The following XYLB variants were observed in gnomAD, a reference collection of about 807,000 sequenced individuals.
XYLB encodes xylulokinase.
In XYLB, 62 loss-of-function variants were observed where a neutral mutation model predicts 78.7. The ratio of observed to expected loss-of-function variants is 0.79; its 90% confidence interval spans 0.64 to 0.97. The LOEUF (loss-of-function observed/expected upper bound fraction) is 0.97, where lower values mean the gene tolerates loss of function less well. Among genes scored for constraint, XYLB ranks in the 50% least tolerant of loss-of-function variants. The pLI, the probability that XYLB is intolerant of heterozygous loss-of-function variation, is 0.00. For synonymous variants in XYLB, 245 were observed against 247.4 expected (o/e 0.99, Z 0.09); for missense variants, 687 against 676.8 (o/e 1.02, Z -0.17).
At chr3:38,377,102 C>G (rs1342542015) in intron 14 of XYLB, 111 bp downstream of exon 14, 3 of 933,754 alleles carry the variant, frequency 3.2e-6, no homozygotes, top group Non-Finnish European at 5.1e-6. Context: ...TTCACTCATC[C>G]ATTAATATCA....
At chr3:38,445,287 C>G in the XYLB span, among the ~76,000 whole-genome samples, 1 of 152,090 alleles carries the variant, frequency 6.6e-6, no homozygotes, top group Admixed American at 6.5e-5. Flanking sequence ...AGGAGGGATC[C>G]TAAAAGGATA....
chr3:38,364,572 G>A (rs80000251), intron 4 of XYLB, among the ~76,000 whole-genome samples: 2 of 125,016 alleles, frequency 1.6e-5, no homozygotes, highest in Non-Finnish European at 3.2e-5. Flanking sequence ...CACTCATCCC[G>A]GGACTTGCCT....
chr3:38,405,820 C>G (rs1214836328), intron 18 of XYLB, among the ~76,000 whole-genome samples: 1 of 152,226 alleles, frequency 6.6e-6, no homozygotes, highest in African/African-American at 2.4e-5. Flanking sequence ...AAGGCGGCAG[C>G]CAGGCTGGGG....
intron 10 of XYLB, 137 bp from the exon 11 acceptor site, chr3:38,374,325 C>T (rs1383237085): frequency 2.7e-5 from 34 of 1,264,666 alleles, no homozygotes; most frequent in Admixed American, 2.1e-4. Context: ...CGCTCAGCTC[C>T]CCTGCTCCTG....
At chr3:38,420,135 G>T (rs1016602318) in exon 18 of XYLB, among the ~76,000 whole-genome samples, 2 of 152,026 alleles carry the variant, frequency 1.3e-5, no homozygotes, top group Non-Finnish European at 2.9e-5. Flanking sequence ...ATCAATTTTT[G>T]TTTGATTTTG....
chr3:38,348,746 G>A, intron 2 of XYLB, 114 bp downstream of exon 2: 1 of 890,354 alleles, frequency 1.1e-6, no homozygotes, highest in Non-Finnish European at 1.8e-6. Flanking sequence ...CAGGAGTGGT[G>A]GTCTCGGCAG....
At chr3:38,431,406 C>T in the XYLB span, among the ~76,000 whole-genome samples, 1 of 152,174 alleles carries the variant, frequency 6.6e-6, no homozygotes, top group Non-Finnish European at 1.5e-5. Context: ...ATTTTGTATC[C>T]TGACACTTTG....
intron 18 of XYLB, among the ~76,000 whole-genome samples, chr3:38,411,643 G>T (rs1378019023): frequency 6.8e-6 from 1 of 147,662 alleles, no homozygotes; most frequent in African/African-American, 2.5e-5. Context: ...TTAGATAAAG[G>T]ATTTAAAAAA....
chr3:38,449,579 G>T, the XYLB span, among the ~76,000 whole-genome samples: 2 of 152,172 alleles, frequency 1.3e-5, no homozygotes, highest in Admixed American at 6.5e-5. Flanking sequence ...TTCATGTGAA[G>T]ATTTTGAAAG....
chr3:38,452,375 G>A, the XYLB span: 3 of 152,140 alleles, frequency 2.0e-5, no homozygotes, highest in African/African-American at 7.2e-5. Flanking sequence ...CTGCTCTGGT[G>A]ACCGGGGGTA....
intron 1 of XYLB, among the ~76,000 whole-genome samples, chr3:38,347,259 C>A (rs1705117254): frequency 6.6e-6 from 1 of 152,260 alleles, no homozygotes; most frequent in South Asian, 2.1e-4. Context: ...CTGTTCTGGG[C>A]ACCCAGTGAC....
intron 2 of XYLB, among the ~76,000 whole-genome samples, chr3:38,355,413 TTG>T: frequency 6.6e-6 from 1 of 152,256 alleles, no homozygotes; most frequent in South Asian, 2.1e-4. Context: ...CTTAATGGTT[TTG>T]AGCCACTAAG....
At chr3:38,372,060 G>T (rs575803869) in intron 9 of XYLB, among the ~76,000 whole-genome samples, 49 of 152,286 alleles carry the variant, frequency 3.2e-4, no homozygotes, top group Admixed American at 1.1e-3. Flanking sequence ...CTCTGAAAAG[G>T]CATTTTCATT....
chr3:38,347,018 G>A, intron 1 of XYLB, 93 bp downstream of exon 1: 1 of 1,238,576 alleles, frequency 8.1e-7, no homozygotes, highest in Non-Finnish European at 1.0e-6. Flanking sequence ...GAAAACATGG[G>A]CCCGGCCGCG....
downstream of XYLB, among the ~76,000 whole-genome samples, chr3:38,422,402 G>A (rs1709007114): frequency 6.6e-6 from 1 of 152,194 alleles, no homozygotes; most frequent in African/African-American, 2.4e-5. Context: ...GCAAGGGAGA[G>A]CAGCTTACTG....
At chr3:38,405,381 A>G (rs1181960083) in intron 18 of XYLB, among the ~76,000 whole-genome samples, 1 of 150,948 alleles carries the variant, frequency 6.6e-6, no homozygotes, top group Admixed American at 6.6e-5. Context: ...TAAAAAAAAA[A>G]AAAAAAAAAA....
chr3:38,430,744 A>G, the XYLB span, among the ~76,000 whole-genome samples: 1 of 152,210 alleles, frequency 6.6e-6, no homozygotes, highest in Non-Finnish European at 1.5e-5. Flanking sequence ...AGGTGTAAAG[A>G]AGGGATCCAG....
chr3:38,440,520 C>T, the XYLB span, among the ~76,000 whole-genome samples: 1 of 152,156 alleles, frequency 6.6e-6, no homozygotes, highest in East Asian at 1.9e-4. Flanking sequence ...CATCCTGTCC[C>T]AAAGGGGGTT....
intron 18 of XYLB, among the ~76,000 whole-genome samples, chr3:38,407,801 T>C (rs374411197): frequency 6.6e-6 from 1 of 151,000 alleles, no homozygotes; most frequent in African/African-American, 2.4e-5. Context: ...CATTACATAA[T>C]GGTAAAGGGA....
Sources: gnomAD v4.1 joint callset for allele counts (sites outside exome capture counted in the v4.1 genomes callset) on GRCh38, gnomAD v4.1.1 for gene constraint, MANE v1.5 for transcripts, NCBI Gene and HGNC (gene_info 2026-07-23, HGNC 2026-07-21) for gene names.